KCNJ3: variants seen among roughly 807,000 people sequenced by gnomAD.
KCNJ3 encodes G protein-activated inward rectifier potassium channel 1.
A neutral mutation model predicts 39.2 loss-of-function variants in KCNJ3; 4 were observed. That is an observed-to-expected ratio of 0.10 (90% CI 0.05 to 0.23). The LOEUF (loss-of-function observed/expected upper bound fraction) is 0.23. KCNJ3 is among the 10% of genes least tolerant of loss of function. The pLI is 1.00. For synonymous variants in KCNJ3, 230 were observed against 237.4 expected (o/e 0.97, Z 0.29); for missense variants, 276 against 634.9 (o/e 0.43, Z 6.08).
intron 2 of KCNJ3, among the ~76,000 whole-genome samples, chr2:154,748,970 T>C (rs1420499758): frequency 6.6e-6 from 1 of 152,140 alleles, no homozygotes; most frequent in Non-Finnish European, 1.5e-5. Flanking sequence ...ACCTGACTTA[T>C]TGCAATGGAG....
At chr2:154,798,994 T>C (rs895679976) in intron 2 of KCNJ3, among the ~76,000 whole-genome samples, 10 of 151,738 alleles carry the variant, frequency 6.6e-5, no homozygotes, top group Non-Finnish European at 1.0e-4. Context: ...GTGTGTCAGG[T>C]GTGTGTATAT....
chr2:154,769,294 G>A (rs903068011), intron 2 of KCNJ3, among the ~76,000 whole-genome samples: 1 of 152,098 alleles, frequency 6.6e-6, no homozygotes, highest in Non-Finnish European at 1.5e-5. Context: ...TCCAGTTTTT[G>A]CCCATTCAGT....
At chr2:154,768,091 T>G (rs533346376) in intron 2 of KCNJ3, among the ~76,000 whole-genome samples, 1 of 152,226 alleles carries the variant, frequency 6.6e-6, no homozygotes, top group Admixed American at 6.5e-5. Context: ...TATTAGCCCT[T>G]TGTCAGGTGG....
Position 154,761,062 on chromosome 2 carries a change from CTTTTTTT to C in KCNJ3, c.919+51253_919+51259del, listed in dbSNP as rs11375045. ...CCCTTAAATTTTTTTTTAATTTTTT[CTTTTTTT>C]TTTTTTTTTGTTGTAGAGACAGGAT... On this transcript the variant is annotated intron_variant, in intron 2 of 2. Transcript: ENST00000295101. Among the ~76,000 whole-genome samples the C allele has an allele frequency of 8.4e-4, 113 of 133,916 alleles. 2 individuals are homozygous for C. The East Asian group carries it at 0.022, about 26-fold the overall frequency. The allele number at this position is 133,916 out of a possible 152,430, so 87.9% of individuals were successfully genotyped here.
At chr2:154,744,537 A>G (rs776373515) in intron 2 of KCNJ3, among the ~76,000 whole-genome samples, 5 of 151,740 alleles carry the variant, frequency 3.3e-5, no homozygotes, top group Non-Finnish European at 4.4e-5. Flanking sequence ...GTTCTATTTC[A>G]TATTGTATTT....
At chr2:154,733,635 A>G (rs1685480086) in intron 2 of KCNJ3, among the ~76,000 whole-genome samples, 1 of 152,150 alleles carries the variant, frequency 6.6e-6, no homozygotes, top group Admixed American at 6.6e-5. Flanking sequence ...CAAAGCTGAA[A>G]TTACTGGGTA....
intron 2 of KCNJ3, among the ~76,000 whole-genome samples, chr2:154,784,960 A>G (rs79713544): frequency 0.037 from 5,641 of 152,276 alleles, 127 homozygotes; most frequent in Middle Eastern, 0.054. Flanking sequence ...GCAATATACT[A>G]TGTGCTCAAT....
At chr2:154,717,841 CT>C (rs1685206821) in intron 2 of KCNJ3, among the ~76,000 whole-genome samples, 2 of 152,112 alleles carry the variant, frequency 1.3e-5, no homozygotes, top group Admixed American at 1.3e-4. Context: ...TTAATCATAA[CT>C]TTTTAGTGAT....
At chr2:154,730,594 T>A (rs889365684) in intron 2 of KCNJ3, among the ~76,000 whole-genome samples, 17 of 152,156 alleles carry the variant, frequency 1.1e-4, no homozygotes, top group Non-Finnish European at 1.8e-4. Context: ...ATTGCTTTTT[T>A]AATATGAAAT....
chr2:154,817,586 T>C (rs1015178027), intron 2 of KCNJ3, among the ~76,000 whole-genome samples: 1 of 152,182 alleles, frequency 6.6e-6, no homozygotes, highest in African/African-American at 2.4e-5. Context: ...GACAGCTCTA[T>C]TAGGTTATCT....
At chr2:154,767,342 C>A (rs1205333195) in intron 2 of KCNJ3, among the ~76,000 whole-genome samples, 4 of 152,058 alleles carry the variant, frequency 2.6e-5, no homozygotes, top group Non-Finnish European at 5.9e-5. Flanking sequence ...CCACTCCCCC[C>A]ACCCCATGAC....
chr2:154,723,571 A>C (rs1353718394), intron 2 of KCNJ3, among the ~76,000 whole-genome samples: 5 of 152,200 alleles, frequency 3.3e-5, no homozygotes, highest in Non-Finnish European at 7.3e-5. Context: ...TGTGTAAAAT[A>C]AGTAACAATA....
At chr2:154,769,170 C>T (rs1042792059) in intron 2 of KCNJ3, among the ~76,000 whole-genome samples, 20 of 152,168 alleles carry the variant, frequency 1.3e-4, no homozygotes, top group African/African-American at 4.1e-4. Flanking sequence ...TAATTGAATA[C>T]CCTTTATTTC....
At chr2:154,833,647 A>G (rs954944298) in intron 2 of KCNJ3, among the ~76,000 whole-genome samples, 1 of 152,190 alleles carries the variant, frequency 6.6e-6, no homozygotes, top group Non-Finnish European at 1.5e-5. Flanking sequence ...TTGTGTATCA[A>G]ACAGAATAAT....
intron 2 of KCNJ3, among the ~76,000 whole-genome samples, chr2:154,813,955 T>C (rs1309109509): frequency 6.6e-6 from 1 of 152,186 alleles, no homozygotes; most frequent in African/African-American, 2.4e-5. Flanking sequence ...TAGTCACAAG[T>C]TGTAGCCTTT....
chr2:154,839,646 T>A (rs936956033), intron 2 of KCNJ3, among the ~76,000 whole-genome samples: 8 of 152,244 alleles, frequency 5.3e-5, no homozygotes, highest in African/African-American at 1.9e-4. Flanking sequence ...TGAGATGGTA[T>A]CTCATTGTGG....
rs1687869501 is a variant in KCNJ3 at position 154,857,916 on chromosome 2, A to AAAAAAAAAAAAAG, written c.*2614_*2615insAGAAAAAAAAAAA. On this transcript the variant is annotated 3_prime_UTR_variant, in exon 3 of 3. Transcript: ENST00000295101. Reference sequence around the variant, plus strand: ...AAAAAAAAAAAAAAAAAAAAAAAAAAAAAAAAAAAAAGAATAAAAACAGGG... The same window carrying AAAAAAAAAAAAAG: ...AAAAAAAAAAAAAAAAAAAAAAAAAAAAAAAAAAAAAAGAAAAAAAAAAAGAATAAAAACAGGG... 8.0e-6 allele frequency: 1 copy of AAAAAAAAAAAAAG among 125,002 alleles called. No homozygotes were observed. Among genetic ancestry groups the AAAAAAAAAAAAAG allele is most frequent in the African/African-American group, 2.7e-5 (1 of 36,604 alleles). 7.7% of individuals were successfully genotyped at this position (125,002 alleles called of 1,614,324 possible). A position where few individuals can be genotyped will look rare whatever the true frequency, so the allele number is the denominator to read the frequency against.
intron 1 of KCNJ3, among the ~76,000 whole-genome samples, chr2:154,704,212 G>C (rs1684958017): frequency 6.6e-6 from 1 of 151,878 alleles, no homozygotes; most frequent in Non-Finnish European, 1.5e-5. Context: ...ATTGTGCTCA[G>C]GGAATAAAAA....
At chr2:154,832,268 T>A (rs1221834852) in intron 2 of KCNJ3, among the ~76,000 whole-genome samples, 1 of 152,066 alleles carries the variant, frequency 6.6e-6, no homozygotes, top group Non-Finnish European at 1.5e-5. Context: ...TAAAAAAAAG[T>A]ATGAAATCAA....
Sources: allele counts gnomAD v4.1 joint callset (sites outside exome capture counted in the v4.1 genomes callset), GRCh38; gene constraint gnomAD v4.1.1; transcripts MANE v1.5; gene names NCBI Gene and HGNC (gene_info 2026-07-23, HGNC 2026-07-21).